Variants in RCAN2 observed in about 807,000 individuals in gnomAD.
The protein encoded by RCAN2 is regulator of calcineurin 2.
In RCAN2, 9 loss-of-function variants were observed where a neutral mutation model predicts 23.6. That is an observed-to-expected ratio of 0.38 (90% CI 0.23 to 0.67). The LOEUF is 0.67. Ranked by LOEUF, RCAN2 falls within the 30% of genes least tolerant of loss-of-function variation. The pLI is 0.51. For missense variants in RCAN2, 273 were observed against 302.3 expected (o/e 0.90, Z 0.72); for synonymous variants, 109 against 115.7 (o/e 0.94, Z 0.37).
At chr6:46,333,457 C>A (rs543340774) in intron 2 of RCAN2, among the ~76,000 whole-genome samples, 1 of 152,168 alleles carries the variant, frequency 6.6e-6, no homozygotes, top group Non-Finnish European at 1.5e-5. Flanking sequence ...CAGCCTTTCG[C>A]TATTAAATAA....
intron 2 of RCAN2, among the ~76,000 whole-genome samples, chr6:46,321,461 T>C (rs1763615847): frequency 6.6e-6 from 1 of 152,248 alleles, no homozygotes; most frequent in Non-Finnish European, 1.5e-5. Context: ...GCTTCTGTAT[T>C]TCTTATAAGA....
chr6:46,365,055 G>C (rs77376867), intron 2 of RCAN2, among the ~76,000 whole-genome samples: 1 of 151,862 alleles, frequency 6.6e-6, no homozygotes, highest in Admixed American at 6.6e-5. Context: ...AGCCCTAATC[G>C]CACTTTGATA....
At chr6:46,489,761 C>A (rs911346722) in intron 1 of RCAN2, among the ~76,000 whole-genome samples, 1 of 152,186 alleles carries the variant, frequency 6.6e-6, no homozygotes, top group Non-Finnish European at 1.5e-5. Flanking sequence ...TCACAAAATT[C>A]TATGGACTGG....
chr6:46,431,551 A>G (rs1390335954), intron 2 of RCAN2, among the ~76,000 whole-genome samples: 3 of 152,212 alleles, frequency 2.0e-5, no homozygotes, highest in Non-Finnish European at 4.4e-5. Context: ...TCCATGGCAC[A>G]CACAGGCATC....
intron 2 of RCAN2, among the ~76,000 whole-genome samples, chr6:46,362,433 A>G (rs947942086): frequency 6.6e-6 from 1 of 151,962 alleles, no homozygotes; most frequent in Non-Finnish European, 1.5e-5. Flanking sequence ...ATAAGGTATT[A>G]TAAGGTAATC....
At chr6:46,450,804 A>T (rs993174967) in intron 2 of RCAN2, among the ~76,000 whole-genome samples, 1 of 152,096 alleles carries the variant, frequency 6.6e-6, no homozygotes, top group Non-Finnish European at 1.5e-5. Flanking sequence ...CAAAGGCTAC[A>T]AAATTTTAGC....
intron 2 of RCAN2, among the ~76,000 whole-genome samples, chr6:46,277,950 TG>T (rs1461609370): frequency 6.6e-6 from 1 of 152,136 alleles, no homozygotes; most frequent in Non-Finnish European, 1.5e-5. Flanking sequence ...TGACATTAGA[TG>T]TTTAAAGACG....
intron 2 of RCAN2, among the ~76,000 whole-genome samples, chr6:46,255,111 T>C (rs183793772): frequency 1.4e-4 from 22 of 152,300 alleles, no homozygotes; most frequent in African/African-American, 5.3e-4. Flanking sequence ...GAAACAAATA[T>C]AGGCAGCCTT....
intron 2 of RCAN2, among the ~76,000 whole-genome samples, chr6:46,275,383 T>C (rs1349631664): frequency 3.9e-5 from 6 of 152,208 alleles, no homozygotes; most frequent in African/African-American, 1.4e-4. Flanking sequence ...CTTTGAAGTC[T>C]GTAGCCTCTA....
At chr6:46,428,491 A>C (rs1485411395) in intron 2 of RCAN2, among the ~76,000 whole-genome samples, 2 of 152,224 alleles carry the variant, frequency 1.3e-5, no homozygotes, top group Non-Finnish European at 2.9e-5. Context: ...GGAACTCAAT[A>C]AATATCTGCT....
intron 2 of RCAN2, among the ~76,000 whole-genome samples, chr6:46,390,832 C>T (rs1475088087): frequency 1.3e-5 from 2 of 152,166 alleles, no homozygotes; most frequent in Non-Finnish European, 2.9e-5. Flanking sequence ...TTTCTGTCTG[C>T]CTCCTGATAC....
intron 2 of RCAN2, among the ~76,000 whole-genome samples, chr6:46,268,171 G>A (rs1465077249): frequency 9.2e-5 from 14 of 152,010 alleles, no homozygotes; most frequent in Admixed American, 9.2e-4. Flanking sequence ...CTTCATTAAC[G>A]GCACAAATTT....
intron 2 of RCAN2, among the ~76,000 whole-genome samples, chr6:46,419,421 A>C: frequency 6.6e-6 from 1 of 152,184 alleles, no homozygotes; most frequent in East Asian, 1.9e-4. Context: ...CCACACACAG[A>C]GTACCGGAGT....
chr6:46,229,588 C>T (rs1430328043), intron 4 of RCAN2, among the ~76,000 whole-genome samples: 1 of 152,184 alleles, frequency 6.6e-6, no homozygotes, highest in Admixed American at 6.5e-5. Flanking sequence ...GTATGCATCA[C>T]ATAGTTCTCT....
At chr6:46,384,612 T>A (rs1016068823) in intron 2 of RCAN2, among the ~76,000 whole-genome samples, 2 of 152,204 alleles carry the variant, frequency 1.3e-5, no homozygotes, top group Non-Finnish European at 2.9e-5. Flanking sequence ...CAACAACAGA[T>A]GGATACCAAG....
chr6:46,222,634 T>C lies in RCAN2; in HGVS notation c.*507A>G, dbSNP rs537160651. The C allele has an allele frequency of 1.3e-5, 2 of 154,362 alleles. No homozygotes were observed. The highest frequency in any genetic ancestry group is 2.9e-5 in the Non-Finnish European group (2 of 69,352). 9.6% of individuals were successfully genotyped at this position (154,362 alleles called of 1,614,324 possible). A position where few individuals can be genotyped will look rare whatever the true frequency, so the allele number is the denominator to read the frequency against. ...ACAATCTGTGAGTTATAAGATATCC[T>C]CAAATAATGAAAATAAATGCTGGTG... On this transcript the variant is annotated 3_prime_UTR_variant, in exon 5 of 5. Transcript: ENST00000371374.
chr6:46,434,193 T>A (rs1390174891), intron 2 of RCAN2, among the ~76,000 whole-genome samples: 1 of 152,234 alleles, frequency 6.6e-6, no homozygotes, highest in East Asian at 1.9e-4. Context: ...ATACTGAATA[T>A]TACCACAGTG....
chr6:46,345,809 G>A (rs888187657), intron 2 of RCAN2, among the ~76,000 whole-genome samples: 4 of 152,072 alleles, frequency 2.6e-5, no homozygotes, highest in African/African-American at 7.2e-5. Context: ...TGTGAAATCC[G>A]TGAAAATACA....
intron 2 of RCAN2, among the ~76,000 whole-genome samples, chr6:46,448,081 A>G (rs917904032): frequency 6.6e-6 from 1 of 151,814 alleles, no homozygotes; most frequent in African/African-American, 2.4e-5. Context: ...AAACAAAATC[A>G]ACAACCCTTA....
Sources: allele counts gnomAD v4.1 joint callset (sites outside exome capture counted in the v4.1 genomes callset), GRCh38; gene constraint gnomAD v4.1.1; transcripts MANE v1.5; gene names NCBI Gene and HGNC (gene_info 2026-07-23, HGNC 2026-07-21).